Variants in F13B observed in about 807,000 individuals in gnomAD.
F13B encodes the protein TGase.
A neutral mutation model predicts 79.8 loss-of-function variants in F13B; 58 were observed. That is an observed-to-expected ratio of 0.73 (90% confidence interval 0.59 to 0.90). The LOEUF is 0.90. F13B is among the 40% of genes least tolerant of loss of function. The pLI, the probability that F13B is intolerant of heterozygous loss-of-function variation, is 0.00. For missense variants in F13B, 773 were observed against 777.0 expected (o/e 0.99, Z 0.06); for synonymous variants, 283 against 260.3 (o/e 1.09, Z -0.84).
At chr1:197,057,793 G>T (rs1035967147) in intron 5 of F13B, among the ~76,000 whole-genome samples, 1 of 152,172 alleles carries the variant, frequency 6.6e-6, no homozygotes, top group South Asian at 2.1e-4. Flanking sequence ...GAAACAAGAG[G>T]CTACATCATG....
chr1:197,041,041 A>G (rs1168650846), intron 10 of F13B, among the ~76,000 whole-genome samples: 1 of 152,182 alleles, frequency 6.6e-6, no homozygotes, highest in East Asian at 1.9e-4. Flanking sequence ...GCAAACAAAC[A>G]AAAAGGTATT....
At chr1:197,050,457 T>G (rs1257526357) in intron 10 of F13B, among the ~76,000 whole-genome samples, 1 of 152,162 alleles carries the variant, frequency 6.6e-6, no homozygotes, top group Admixed American at 6.6e-5. Context: ...ATTCAACTTA[T>G]AGCCCATACC....
chr1:197,044,051 A>C (rs547328486), intron 10 of F13B, among the ~76,000 whole-genome samples: 1 of 151,506 alleles, frequency 6.6e-6, no homozygotes, highest in Admixed American at 6.6e-5. Context: ...TCATATATAT[A>C]TATATTTATA....
intron 8 of F13B, among the ~76,000 whole-genome samples, chr1:197,054,457 A>T (rs1655561677): frequency 6.6e-6 from 1 of 152,048 alleles, no homozygotes; most frequent in East Asian, 1.9e-4. Flanking sequence ...TGAAAGGTGG[A>T]AACTACTAAC....
chr1:197,057,129 T>C lies in F13B; in HGVS notation c.1055A>G (p.Lys352Arg), dbSNP rs751826342. The change falls in exon 7 of 12, where the codon AAG (lysine) becomes AGG (arginine). Residue 352 changes from lysine (K) to arginine (R), a missense_variant. Lys to Arg is a conservative substitution (Grantham distance 26, BLOSUM62 2). Coordinates refer to ENST00000367412, the MANE Select transcript of F13B (RefSeq NM_001994.3). The part of the protein sequence containing the change: ...IENGAANLHS[K>R]IYYNGDKVTY... ...CACTTTATCCCCATTGTAATAAATC[T>C]TAGAGTGTAAATTTGCTGCACCATT... The C allele has an allele frequency of 2.5e-6, 4 of 1,613,806 alleles. No homozygotes were observed. Among genetic ancestry groups the C allele is most frequent in the Admixed American group, 3.3e-5 (2 of 59,940 alleles).
intron 10 of F13B, among the ~76,000 whole-genome samples, chr1:197,040,994 G>A (rs528019290): frequency 7.9e-5 from 12 of 151,948 alleles, no homozygotes; most frequent in East Asian, 3.9e-4. Flanking sequence ...AAACTAAAAG[G>A]TATTTTAGTT....
intron 10 of F13B, among the ~76,000 whole-genome samples, chr1:197,045,914 C>A (rs1321212681): frequency 6.6e-6 from 1 of 152,088 alleles, no homozygotes; most frequent in Non-Finnish European, 1.5e-5. Context: ...TGACAAAAAC[C>A]ACATGATTAT....
intron 10 of F13B, among the ~76,000 whole-genome samples, chr1:197,043,671 G>T (rs536349611): frequency 1.1e-4 from 17 of 152,208 alleles, no homozygotes; most frequent in African/African-American, 3.4e-4. Flanking sequence ...TACATCTAAA[G>T]AGAGGATTGT....
At chr1:197,058,114 T>A (rs1277826383) in intron 5 of F13B, among the ~76,000 whole-genome samples, 1 of 152,224 alleles carries the variant, frequency 6.6e-6, no homozygotes, top group Non-Finnish European at 1.5e-5. Context: ...GGTGACATTG[T>A]TACGCACCAA....
intron 10 of F13B, among the ~76,000 whole-genome samples, chr1:197,048,132 TTA>T (rs17514725): frequency 1.1e-3 from 158 of 149,394 alleles, no homozygotes; most frequent in South Asian, 8.8e-3. Flanking sequence ...ACTTAAAATA[TTA>T]TATATATATA....
intron 10 of F13B, among the ~76,000 whole-genome samples, chr1:197,044,597 A>G (rs1172641339): frequency 6.6e-6 from 1 of 152,182 alleles, no homozygotes; most frequent in Non-Finnish European, 1.5e-5. Flanking sequence ...TAGACAGATC[A>G]ACGAGACAGA....
intron 5 of F13B, among the ~76,000 whole-genome samples, chr1:197,059,922 C>T (rs1655791864): frequency 6.6e-6 from 1 of 152,050 alleles, no homozygotes; most frequent in African/African-American, 2.4e-5. Flanking sequence ...TTCCCATTTT[C>T]ACTTCTGGGC....
At chr1:197,066,566 G>A (rs1183332585) in intron 1 of F13B, among the ~76,000 whole-genome samples, 2 of 152,258 alleles carry the variant, frequency 1.3e-5, no homozygotes, top group African/African-American at 4.8e-5. Flanking sequence ...TGATTTACAT[G>A]TGTTGTCCAA....
intron 5 of F13B, 53 bp from the exon 6 acceptor site, chr1:197,057,518 A>G (rs1655691994): frequency 9.8e-6 from 15 of 1,535,420 alleles, no homozygotes; most frequent in Non-Finnish European, 1.3e-5. Context: ...AAAAAATAAT[A>G]AAGATTAAAT....
chr1:197,062,833 G>A, intron 2 of F13B, 24 bp downstream of exon 2: 2 of 1,609,914 alleles, frequency 1.2e-6, no homozygotes, highest in Non-Finnish European at 1.7e-6. Flanking sequence ...TTGAAACATT[G>A]AGTGACATAT....
chr1:197,040,801 G>T, intron 10 of F13B, 66 bp from the exon 11 acceptor site: 1 of 1,358,014 alleles, frequency 7.4e-7, no homozygotes, highest in South Asian at 1.3e-5. Context: ...ATCTTGGTAA[G>T]AACAGGAATC....
chr1:197,040,341 C>G (rs1346279162), intron 11 of F13B, 181 bp downstream of exon 11: 4 of 569,242 alleles, frequency 7.0e-6, no homozygotes, highest in African/African-American at 1.9e-5. Context: ...ATTCAGAAGG[C>G]CTGTTGAATT....
intron 8 of F13B, among the ~76,000 whole-genome samples, chr1:197,053,974 G>T (rs1465412801): frequency 5.9e-5 from 9 of 152,062 alleles, no homozygotes; most frequent in Non-Finnish European, 1.3e-4. Context: ...GTATGGAGAG[G>T]TTAGAGAGAC....
intron 3 of F13B, among the ~76,000 whole-genome samples, chr1:197,061,299 T>TGCAA (rs1655853282): frequency 6.6e-6 from 1 of 152,128 alleles, no homozygotes; most frequent in South Asian, 2.1e-4. Context: ...TACAAGTGCT[T>TGCAA]GACCAAAGGC....
Sources: gnomAD v4.1 joint callset for allele counts (sites outside exome capture counted in the v4.1 genomes callset) on GRCh38, gnomAD v4.1.1 for gene constraint, MANE v1.5 for transcripts, NCBI Gene and HGNC (gene_info 2026-07-23, HGNC 2026-07-21) for gene names.